FTCDNL1: variants seen among roughly 807,000 people sequenced by gnomAD.
The protein encoded by FTCDNL1 is formiminotransferase N-terminal subdomain-containing protein.
Under a neutral mutation model 5.9 loss-of-function variants are expected in FTCDNL1, and 11 were observed. That is an observed-to-expected ratio of 1.87 (90% confidence interval 1.18 to 3.10). FTCDNL1 has a LOEUF of 3.10. Among genes scored for constraint, FTCDNL1 ranks in the 30% most tolerant of loss-of-function variants. The pLI, the probability that FTCDNL1 is intolerant of heterozygous loss-of-function variation, is 0.00. For missense variants in FTCDNL1, 115 were observed against 65.5 expected, an observed-to-expected ratio of 1.76 and a Z score of -2.61; for synonymous variants, 58 against 24.8, an observed-to-expected ratio of 2.34 and a Z score of -3.99.
chr2:199,693,033 C>A, the FTCDNL1 span, among the ~76,000 whole-genome samples: 3 of 152,312 alleles, frequency 2.0e-5, no homozygotes, highest in Non-Finnish European at 1.5e-5. Flanking sequence ...CCATTTCTTG[C>A]TGTATTTATT....
the FTCDNL1 span, among the ~76,000 whole-genome samples, chr2:199,684,119 T>C: frequency 6.6e-6 from 1 of 152,248 alleles, no homozygotes; most frequent in Non-Finnish European, 1.5e-5. Context: ...ATTTACACTT[T>C]CAGTAATTAT....
the FTCDNL1 span, among the ~76,000 whole-genome samples, chr2:199,686,144 T>A: frequency 6.6e-6 from 1 of 152,212 alleles, no homozygotes; most frequent in Non-Finnish European, 1.5e-5. Flanking sequence ...TCAGCGTGGG[T>A]GTGAACAGAG....
the FTCDNL1 span, among the ~76,000 whole-genome samples, chr2:199,726,464 G>A: frequency 6.6e-6 from 1 of 152,104 alleles, no homozygotes; most frequent in Non-Finnish European, 1.5e-5. Flanking sequence ...GAGGAGAAGA[G>A]GCAGTCTGAC....
chr2:199,727,101 T>C, the FTCDNL1 span, among the ~76,000 whole-genome samples: 5 of 152,202 alleles, frequency 3.3e-5, no homozygotes, highest in Admixed American at 6.5e-5. Flanking sequence ...AACCCCTGGT[T>C]GGAGTGGCTG....
chr2:199,709,292 T>C, the FTCDNL1 span, among the ~76,000 whole-genome samples: 2 of 152,106 alleles, frequency 1.3e-5, no homozygotes, highest in Non-Finnish European at 2.9e-5. Context: ...TTGAAAGTCA[T>C]ACAGTACAAG....
At chr2:199,830,535 A>G (rs915580224) in intron 3 of FTCDNL1, among the ~76,000 whole-genome samples, 1 of 152,198 alleles carries the variant, frequency 6.6e-6, no homozygotes, top group African/African-American at 2.4e-5. Context: ...ATCCCCAAAG[A>G]GTACAAAGCT....
intron 3 of FTCDNL1, among the ~76,000 whole-genome samples, chr2:199,781,557 T>A (rs1384786599): frequency 6.6e-6 from 1 of 152,168 alleles, no homozygotes; most frequent in Non-Finnish European, 1.5e-5. Flanking sequence ...TTCTGTAGAA[T>A]ATCTAGGCAG....
intron 4 of FTCDNL1, among the ~76,000 whole-genome samples, chr2:199,816,325 G>A (rs184359691): frequency 7.4e-4 from 112 of 152,190 alleles, no homozygotes; most frequent in Non-Finnish European, 1.1e-3. Context: ...GGCTACCAGT[G>A]AAAAAAGGCA....
intron 3 of FTCDNL1, among the ~76,000 whole-genome samples, chr2:199,778,970 G>C (rs1699225050): frequency 6.6e-6 from 1 of 152,056 alleles, no homozygotes; most frequent in Admixed American, 6.5e-5. Flanking sequence ...GAACTTTTTT[G>C]GTAAGGAGGA....
chr2:199,794,985 G>T (rs1700104006), intron 3 of FTCDNL1, among the ~76,000 whole-genome samples: 1 of 152,138 alleles, frequency 6.6e-6, no homozygotes, highest in Non-Finnish European at 1.5e-5. Flanking sequence ...AGGGACTTTG[G>T]AGTCAGACTG....
chr2:199,772,163 G>A (rs1335444570), intron 3 of FTCDNL1, among the ~76,000 whole-genome samples: 1 of 152,206 alleles, frequency 6.6e-6, no homozygotes, highest in Non-Finnish European at 1.5e-5. Context: ...CATAGACAGT[G>A]TGGATATGCT....
At chr2:199,786,473 A>G (rs1007344349) in intron 3 of FTCDNL1, among the ~76,000 whole-genome samples, 5 of 152,022 alleles carry the variant, frequency 3.3e-5, no homozygotes, top group African/African-American at 7.3e-5. Context: ...AAACCTTTGA[A>G]CTTGATCGAA....
chr2:199,772,053 TTA>T (rs1698838909), intron 3 of FTCDNL1, among the ~76,000 whole-genome samples: 1 of 152,202 alleles, frequency 6.6e-6, no homozygotes, highest in Non-Finnish European at 1.5e-5. Flanking sequence ...TTTGGGGCCA[TTA>T]TTAAGCAGAA....
the FTCDNL1 span, among the ~76,000 whole-genome samples, chr2:199,746,952 G>C: frequency 6.6e-6 from 1 of 151,966 alleles, no homozygotes; most frequent in Non-Finnish European, 1.5e-5. Context: ...GATTCAGAGT[G>C]AGGTTCTCGT....
At chr2:199,715,584 C>A in the FTCDNL1 span, among the ~76,000 whole-genome samples, 1 of 152,106 alleles carries the variant, frequency 6.6e-6, no homozygotes, top group Non-Finnish European at 1.5e-5. Context: ...TATAAATTAC[C>A]CAGTCTCGGG....
At chr2:199,795,001 A>C (rs1257467496) in intron 3 of FTCDNL1, among the ~76,000 whole-genome samples, 1 of 152,218 alleles carries the variant, frequency 6.6e-6, no homozygotes, top group Non-Finnish European at 1.5e-5. Context: ...GACTGACCCA[A>C]GGTCAGATTC....
At chr2:199,730,272 T>C in the FTCDNL1 span, among the ~76,000 whole-genome samples, 1 of 150,596 alleles carries the variant, frequency 6.6e-6, no homozygotes, top group Non-Finnish European at 1.5e-5. Flanking sequence ...GGGTAATACA[T>C]TGGCATGGGC....
chr2:199,790,171 CT>C (rs1261426997), intron 3 of FTCDNL1, among the ~76,000 whole-genome samples: 3 of 151,844 alleles, frequency 2.0e-5, no homozygotes, highest in Non-Finnish European at 4.4e-5. Context: ...GCATAAGACA[CT>C]TGAAAGGCAA....
downstream of FTCDNL1, among the ~76,000 whole-genome samples, chr2:199,804,336 G>A (rs561358802): frequency 7.2e-5 from 11 of 152,246 alleles, no homozygotes; most frequent in East Asian, 1.9e-4. Flanking sequence ...GGGGCCTACC[G>A]CCAGATAAAA....
Sources: allele counts gnomAD v4.1 joint callset (sites outside exome capture counted in the v4.1 genomes callset), GRCh38; gene constraint gnomAD v4.1.1; transcripts MANE v1.5; gene names NCBI Gene and HGNC (gene_info 2026-07-23, HGNC 2026-07-21).